The following ADGRB3 variants were observed in gnomAD, a reference collection of about 807,000 sequenced individuals.
ADGRB3 encodes the protein adhesion G protein-coupled receptor B3, also known as brain-specific angiogenesis inhibitor 3.
Under a neutral mutation model 193.4 loss-of-function variants are expected in ADGRB3, and 37 were observed. The observed-to-expected ratio is 0.19, with a 90% confidence interval of 0.15 to 0.25. ADGRB3 has a LOEUF of 0.25. Among genes scored for constraint, ADGRB3 ranks in the 10% least tolerant of loss-of-function variants. ADGRB3 has a pLI of 1.00. For missense variants in ADGRB3, 1,637 were observed against 1,852.9 expected (o/e 0.88, Z 2.14); for synonymous variants, 690 against 644.2 (o/e 1.07, Z -1.08).
chr6:68,763,467 A>G (rs955989294), intron 3 of ADGRB3, among the ~76,000 whole-genome samples: 3 of 152,214 alleles, frequency 2.0e-5, no homozygotes, highest in African/African-American at 7.2e-5. Context: ...TCACCTTGGT[A>G]GGCATTCATA....
At chr6:68,756,987 C>G (rs1444557345) in intron 3 of ADGRB3, among the ~76,000 whole-genome samples, 1 of 152,136 alleles carries the variant, frequency 6.6e-6, no homozygotes, top group Non-Finnish European at 1.5e-5. Flanking sequence ...ATAGTGGTTA[C>G]ATGTCTTTCA....
chr6:68,687,298 TA>T (rs1287155512), intron 3 of ADGRB3, among the ~76,000 whole-genome samples: 1 of 152,100 alleles, frequency 6.6e-6, no homozygotes, highest in Non-Finnish European at 1.5e-5. Flanking sequence ...TTTATATATA[TA>T]AATGTACACA....
chr6:69,083,730 G>A (rs1000939918), intron 17 of ADGRB3, among the ~76,000 whole-genome samples: 30 of 150,938 alleles, frequency 2.0e-4, no homozygotes, highest in African/African-American at 6.6e-4. Flanking sequence ...AAGGATCCAG[G>A]ATCCATCTCC....
intron 22 of ADGRB3, among the ~76,000 whole-genome samples, chr6:69,329,593 C>G (rs919514717): frequency 6.6e-6 from 1 of 152,212 alleles, no homozygotes; most frequent in Admixed American, 6.5e-5. Flanking sequence ...AGAGCAGCTA[C>G]TGTTCATTGT....
In ADGRB3 at chr6:69,312,543, G is replaced by A. The variant is rs996502681; in HGVS notation, c.2815-12329G>A. ...CCTAGAATTCCGTAACAGGTCCAGT[G>A]GTGTCATTTAGTGTAATTCAGTTGT... On this transcript the variant is annotated intron_variant, in intron 20 of 31. Transcript: ENST00000370598. Among the ~76,000 whole-genome samples the A allele has an allele frequency of 2.0e-5, 3 of 151,668 alleles. No homozygotes were observed. In the East Asian group the frequency reaches 5.9e-4, roughly 30 times the overall value.
intron 20 of ADGRB3, among the ~76,000 whole-genome samples, chr6:69,253,485 G>A (rs1200763816): frequency 6.6e-6 from 1 of 151,974 alleles, no homozygotes; most frequent in Non-Finnish European, 1.5e-5. Flanking sequence ...AAGATCATTA[G>A]GATCATTAAG....
At chr6:68,671,073 A>G (rs1217354001) in intron 3 of ADGRB3, among the ~76,000 whole-genome samples, 1 of 152,004 alleles carries the variant, frequency 6.6e-6, no homozygotes, top group African/African-American at 2.4e-5. Context: ...CACTGTCGGT[A>G]TGTAAAAATG....
chr6:68,884,206 A>T (rs1271559233), intron 3 of ADGRB3, among the ~76,000 whole-genome samples: 1 of 152,196 alleles, frequency 6.6e-6, no homozygotes, highest in Non-Finnish European at 1.5e-5. Flanking sequence ...CTTCCTTAGT[A>T]GGTACTTTAT....
At chr6:68,741,442 A>T (rs1765979426) in intron 3 of ADGRB3, among the ~76,000 whole-genome samples, 1 of 152,044 alleles carries the variant, frequency 6.6e-6, no homozygotes, top group Admixed American at 6.6e-5. Context: ...CAGTGCTGTG[A>T]TCATGCCATC....
chr6:69,243,337 C>G (rs1766423312), intron 20 of ADGRB3, among the ~76,000 whole-genome samples: 1 of 151,846 alleles, frequency 6.6e-6, no homozygotes, highest in Non-Finnish European at 1.5e-5. Flanking sequence ...GGTCTTTGAC[C>G]TTTTAGATAC....
At chr6:69,173,611 G>A (rs1161433154) in intron 17 of ADGRB3, among the ~76,000 whole-genome samples, 1 of 152,012 alleles carries the variant, frequency 6.6e-6, no homozygotes, top group Admixed American at 6.6e-5. Context: ...TTGGGTAAAT[G>A]GAAAGGATAT....
chr6:69,358,788 G>A (rs1489370375), intron 28 of ADGRB3, among the ~76,000 whole-genome samples: 1 of 151,780 alleles, frequency 6.6e-6, no homozygotes, highest in East Asian at 1.9e-4. Context: ...TTCGTGTGTA[G>A]GTGGTATGAT....
intron 11 of ADGRB3, among the ~76,000 whole-genome samples, chr6:68,994,668 T>C (rs1022663113): frequency 6.6e-6 from 1 of 152,200 alleles, no homozygotes; most frequent in African/African-American, 2.4e-5. Context: ...TAACTCTTTT[T>C]ATGCTGTAGA....
intron 3 of ADGRB3, among the ~76,000 whole-genome samples, chr6:68,662,881 CA>C (rs1214500499): frequency 1.3e-5 from 2 of 149,874 alleles, no homozygotes; most frequent in African/African-American, 2.4e-5. Flanking sequence ...AATGGGAAGA[CA>C]AAAAAAATTA....
At chr6:69,071,313 A>G (rs1772072203) in intron 16 of ADGRB3, among the ~76,000 whole-genome samples, 1 of 151,970 alleles carries the variant, frequency 6.6e-6, no homozygotes, top group Non-Finnish European at 1.5e-5. Flanking sequence ...AAAGATGTCC[A>G]AATAACCTAT....
intron 3 of ADGRB3, among the ~76,000 whole-genome samples, chr6:68,772,817 A>T (rs983603611): frequency 1.4e-5 from 2 of 147,906 alleles, no homozygotes; most frequent in South Asian, 4.3e-4. Context: ...CAGGAGTTTA[A>T]GACCACCCTG....
At chr6:69,007,687 TCTCTCTCA>T (rs1349853561) in intron 11 of ADGRB3, among the ~76,000 whole-genome samples, 521 of 81,676 alleles carry the variant, frequency 6.4e-3, no homozygotes, top group Non-Finnish European at 0.011. Flanking sequence ...TCTCTCTCTC[TCTCTCTCA>T]CACACACACA....
chr6:68,679,071 A>ATATC (rs1327675219), intron 3 of ADGRB3, among the ~76,000 whole-genome samples: 1 of 152,124 alleles, frequency 6.6e-6, no homozygotes, highest in Non-Finnish European at 1.5e-5. Flanking sequence ...TCTCTTTCAG[A>ATATC]TATCTATCCT....
At chr6:69,244,667 T>A (rs1766455973) in intron 20 of ADGRB3, among the ~76,000 whole-genome samples, 1 of 152,086 alleles carries the variant, frequency 6.6e-6, no homozygotes, top group African/African-American at 2.4e-5. Flanking sequence ...CAGATGGGGA[T>A]GGTTAAGAGA....
Sources: allele counts gnomAD v4.1 joint callset (sites outside exome capture counted in the v4.1 genomes callset), GRCh38; gene constraint gnomAD v4.1.1; transcripts MANE v1.5; gene names NCBI Gene and HGNC (gene_info 2026-07-23, HGNC 2026-07-21).